Variants in CABIN1 observed in about 807,000 individuals in gnomAD.
The protein encoded by CABIN1 is calcineurin-binding protein cabin-1.
A neutral mutation model predicts 227.7 loss-of-function variants in CABIN1; 133 were observed. The observed-to-expected ratio is 0.58, with a 90% CI of 0.51 to 0.67. The LOEUF (loss-of-function observed/expected upper bound fraction) is 0.67, where lower values mean the gene tolerates loss of function less well. Ranked by LOEUF, CABIN1 falls within the 30% of genes least tolerant of loss-of-function variation. CABIN1 has a pLI of 0.00. For missense variants in CABIN1, 2,408 were observed against 2,852.5 expected (o/e 0.84, Z 3.55); for synonymous variants, 1,086 against 1,155.1 (o/e 0.94, Z 1.21).
intron 9 of CABIN1, 98 bp from the exon 10 acceptor site, chr22:24,056,094 C>T: frequency 9.7e-7 from 1 of 1,026,154 alleles, no homozygotes; most frequent in Non-Finnish European, 1.5e-6. Context: ...GAGTTTAATG[C>T]TAGTAGATTT....
intron 1 of CABIN1, among the ~76,000 whole-genome samples, chr22:24,015,544 C>T (rs2035211915): frequency 6.6e-6 from 1 of 151,560 alleles, no homozygotes; most frequent in Non-Finnish European, 1.5e-5. Flanking sequence ...CGGGGTTTCA[C>T]CGTGTTAGCC....
chr22:24,148,734 A>G (rs780823038), intron 29 of CABIN1, among the ~76,000 whole-genome samples: 6 of 152,348 alleles, frequency 3.9e-5, no homozygotes, highest in Middle Eastern at 3.4e-3. Context: ...AACAGATGAA[A>G]GGGCAGCTGT....
intron 10 of CABIN1, among the ~76,000 whole-genome samples, chr22:24,057,499 C>T (rs2038889212): frequency 6.6e-6 from 1 of 152,234 alleles, no homozygotes; most frequent in Non-Finnish European, 1.5e-5. Flanking sequence ...GAGTTTATAC[C>T]TTTTTTACTC....
At position 24,049,237 on chromosome 22, in the gene CABIN1, C is replaced by T. The variant is rs773978562; in HGVS notation, c.656+17C>T. ...CCTCAAATGGTAAGTCCTGCCTCTT[C>T]CCATGCCATGTGTGCACGCTTACTG... On this transcript the variant is annotated intron_variant, in intron 7 of 36. Transcript: ENST00000263119. 5 of 1,612,054 alleles carry T rather than the reference C, an allele frequency of 3.1e-6. No homozygotes were observed. The Admixed American group carries it at 8.3e-5, about 27-fold the overall frequency.
rs541994402 is a variant in CABIN1, at chr22:24,060,064, G to A, written c.1540G>A (p.Val514Ile). ...AGGCTTGGCGGAGGTCGTGCTCAGC[G>A]TCTACCACAGCTGGAGGAGGCACAG... ...PPGLAEVVLS[V>I]YHSWRRHSTS... The change falls in exon 12 of 37, where the codon GTC (valine) becomes ATC (isoleucine). Residue 514 changes from valine to isoleucine, a missense_variant. Val to Ile is a conservative substitution (Grantham distance 29, BLOSUM62 3). Coordinates refer to ENST00000263119, the MANE Select transcript of CABIN1 (RefSeq NM_012295.4). 4.0e-5 allele frequency: 64 copies of A among 1,614,070 alleles called. No homozygotes were observed. Among genetic ancestry groups the A allele is most frequent in the African/African-American group, 2.0e-4 (15 of 75,030 alleles).
rs753785751 is a variant in CABIN1, at chr22:24,084,742, G to T, written c.3074G>T (p.Ser1025Ile). The change falls in exon 21 of 37, where the codon AGC (serine) becomes ATC (isoleucine). Residue 1025 changes from serine to isoleucine, a missense_variant. This residue lies in a region of CABIN1 where 649 missense variants were observed against 910.3 expected (regional missense o/e 0.71). Transcript: ENST00000263119. ...IVPRTERPAL[S>I]LDKVSAYIEG... ...CCTCGCACAGAGAGGCCAGCCCTTA[G>T]CCTGGACAAAGTCTCTGCCTACATT... The T allele has an allele frequency of 1.1e-5, 18 of 1,614,082 alleles. No individual in the cohort carries two copies. The highest frequency in any genetic ancestry group is 8.9e-5 in the East Asian group (4 of 44,892).
chr22:24,062,884 A>C (rs1292646259), intron 13 of CABIN1, 75 bp from the exon 14 acceptor site: 1 of 1,479,286 alleles, frequency 6.8e-7, no homozygotes, highest in Non-Finnish European at 9.5e-7. Flanking sequence ...GTTAGGGCCA[A>C]GTGCAACTTC....
rs758820788 is a variant in CABIN1, at chr22:24,119,496, TG to T, written c.4431del (p.Trp1478GlyfsTer43). 9.3e-6 allele frequency: 15 copies of T among 1,613,992 alleles called. No homozygotes were observed. Among genetic ancestry groups the T allele is most frequent in the Non-Finnish European group, 1.2e-5 (14 of 1,179,980 alleles). Reference protein sequence around the residue: ...PGKPSASTPTLWDGKKRGDLP... With the variant: ...PGKPSASTPTXWDGKKRGDLP... ...AAGCCCTCAGCATCCACACCCACCC[TG>T]TGGGATGGGAAGAAGAGAGGGGACC... On this transcript the variant is annotated frameshift_variant, in exon 28 of 37. Transcript: ENST00000263119. LOFTEE classifies it high-confidence loss of function.
chr22:24,084,976 TC>T (rs748500600), intron 21 of CABIN1, 29 bp from the exon 22 acceptor site: 1 of 1,614,048 alleles, frequency 6.2e-7, no homozygotes, highest in East Asian at 2.2e-5. Flanking sequence ...TGACTCCACC[TC>T]CCCTCATACT....
intron 6 of CABIN1, among the ~76,000 whole-genome samples, chr22:24,046,592 C>A (rs1367536018): frequency 6.6e-6 from 1 of 152,110 alleles, no homozygotes; most frequent in Admixed American, 6.5e-5. Context: ...AAACTCAAGT[C>A]TTTGTGGGAA....
At chr22:24,065,655 C>CT (rs2039597566) in intron 15 of CABIN1, among the ~76,000 whole-genome samples, 1 of 152,216 alleles carries the variant, frequency 6.6e-6, no homozygotes, top group African/African-American at 2.4e-5. Flanking sequence ...AGGCAGGCGG[C>CT]TGGGAGGTGG....
At chr22:24,156,126 C>G (rs900124870) in intron 29 of CABIN1, 31 of 400,994 alleles carry the variant, frequency 7.7e-5, no homozygotes, top group Non-Finnish European at 1.2e-4. Context: ...GGACTGGGGC[C>G]GGGGCTGGGG....
chr22:24,171,611 C>T, intron 33 of CABIN1, 102 bp from the exon 34 acceptor site: 1 of 1,396,214 alleles, frequency 7.2e-7, no homozygotes, highest in Non-Finnish European at 1.0e-6. Context: ...GCCCCAGGCG[C>T]ACAGGATGTC....
intron 28 of CABIN1, 30 bp from the exon 29 acceptor site, chr22:24,134,272 T>A (rs2044255623): frequency 6.3e-7 from 1 of 1,577,024 alleles, no homozygotes; most frequent in East Asian, 2.3e-5. Flanking sequence ...GCCCACACAC[T>A]CACTTTCAAC....
chr22:24,028,601 G>A (rs2036268630), intron 1 of CABIN1, among the ~76,000 whole-genome samples: 1 of 149,270 alleles, frequency 6.7e-6, no homozygotes, highest in East Asian at 2.1e-4. Context: ...TCTTTGTTAT[G>A]GAGAGGTGCA....
chr22:24,015,270 C>CAAAAAAAAAAAAAAAAAAA, intron 1 of CABIN1, among the ~76,000 whole-genome samples: 1 of 50,690 alleles, frequency 2.0e-5, no homozygotes, highest in Non-Finnish European at 3.4e-5. Flanking sequence ...AATCCATCTC[C>CAAAAAAAAAAAAAAAAAAA]AAAAAAAAAA....
At chr22:24,015,216 A>T (rs1172953383) in intron 1 of CABIN1, among the ~76,000 whole-genome samples, 1 of 133,530 alleles carries the variant, frequency 7.5e-6, no homozygotes, top group Admixed American at 8.2e-5. Context: ...CAGTGAGCCG[A>T]GATTGCACCA....
intron 6 of CABIN1, 87 bp from the exon 7 acceptor site, chr22:24,049,004 G>A: frequency 6.8e-7 from 1 of 1,479,690 alleles, no homozygotes; most frequent in Non-Finnish European, 9.4e-7. Flanking sequence ...TTTGATTCTA[G>A]GAGCAGGATT....
At chr22:24,127,821 CAT>C (rs10640276) in intron 28 of CABIN1, among the ~76,000 whole-genome samples, 6 of 149,938 alleles carry the variant, frequency 4.0e-5, no homozygotes, top group Non-Finnish European at 8.9e-5. Flanking sequence ...TTTAACTTTT[CAT>C]ATATATATAT....
Sources: allele counts gnomAD v4.1 joint callset (sites outside exome capture counted in the v4.1 genomes callset), GRCh38; gene constraint gnomAD v4.1.1; regional missense constraint gnomAD v4.1.1; transcripts MANE v1.5; gene names NCBI Gene and HGNC (gene_info 2026-07-23, HGNC 2026-07-21).